Variants in FUT8 observed in about 807,000 individuals in gnomAD.
The protein encoded by FUT8 is fucosyltransferase 8.
A neutral mutation model predicts 71.3 loss-of-function variants in FUT8; 29 were observed. The observed-to-expected ratio is 0.41, with a 90% CI of 0.30 to 0.55. The LOEUF is 0.55. Among genes scored for constraint, FUT8 ranks in the 20% least tolerant of loss-of-function variants. The probability of loss-of-function intolerance (pLI) is 0.34; values close to 1 mark genes in which losing one functional copy is unlikely to be tolerated. For missense variants in FUT8, 544 were observed against 702.1 expected (o/e 0.77, Z 2.55); for synonymous variants, 254 against 239.3 (o/e 1.06, Z -0.57).
intron 1 of FUT8, among the ~76,000 whole-genome samples, chr14:65,452,938 T>C (rs899427043): frequency 2.6e-5 from 4 of 152,208 alleles, no homozygotes; most frequent in African/African-American, 9.6e-5. Context: ...ATAATAACTT[T>C]TAATGTCCTA....
At position 65,566,143 on chromosome 14, in the gene FUT8, G is replaced by A. The variant is rs117859856; in HGVS notation, c.203+4377G>A. ...CAAGATGACCTCACTTACATATTTG[G>A]CAATTAGGTCGACCATTAACTGGCT... On this transcript the variant is annotated intron_variant, in intron 3 of 10. Transcript: ENST00000673929. Among the ~76,000 whole-genome samples the A allele has an allele frequency of 8.7e-3, 1,326 of 151,918 alleles. 6 individuals are homozygous for A. The highest frequency in any genetic ancestry group is 0.013 in the Non-Finnish European group (909 of 67,880).
the FUT8 span, among the ~76,000 whole-genome samples, chr14:65,361,354 C>T: frequency 7.5e-6 from 1 of 133,630 alleles, no homozygotes; most frequent in African/African-American, 3.0e-5. Flanking sequence ...AAAACTCTGT[C>T]TCAAAAAAAA....
chr14:65,633,191 G>A (rs540505598), intron 6 of FUT8, among the ~76,000 whole-genome samples: 6 of 152,014 alleles, frequency 3.9e-5, no homozygotes, highest in Non-Finnish European at 5.9e-5. Context: ...ACTGGTTTTC[G>A]TATTTTTTTG....
chr14:65,579,993 T>C (rs1886990711), intron 3 of FUT8, among the ~76,000 whole-genome samples: 1 of 151,722 alleles, frequency 6.6e-6, no homozygotes, highest in Non-Finnish European at 1.5e-5. Context: ...TTTCAAGGTA[T>C]CTCAATAATA....
chr14:65,496,368 T>C (rs2066559257), intron 2 of FUT8, among the ~76,000 whole-genome samples: 1 of 152,210 alleles, frequency 6.6e-6, no homozygotes, highest in African/African-American at 2.4e-5. Flanking sequence ...CTTTTAGTCA[T>C]ATAGGAACAT....
chr14:65,719,392 T>C (rs1895288822), intron 7 of FUT8, among the ~76,000 whole-genome samples: 1 of 152,178 alleles, frequency 6.6e-6, no homozygotes, highest in Admixed American at 6.5e-5. Context: ...TTCCTCAAAA[T>C]AGCTCTTTTG....
intron 2 of FUT8, among the ~76,000 whole-genome samples, chr14:65,536,826 G>T (rs1884343990): frequency 2.0e-5 from 3 of 152,094 alleles, no homozygotes; most frequent in South Asian, 4.2e-4. Flanking sequence ...TCTCATGATG[G>T]TATCCTGAAA....
At chr14:65,431,494 G>A (rs1276840150) in intron 1 of FUT8, among the ~76,000 whole-genome samples, 1 of 151,162 alleles carries the variant, frequency 6.6e-6, no homozygotes, top group Non-Finnish European at 1.5e-5. Flanking sequence ...TATTTTTTTT[G>A]TAGAGGCTGG....
At chr14:65,493,212 A>G (rs1204165178) in intron 2 of FUT8, among the ~76,000 whole-genome samples, 7 of 152,080 alleles carry the variant, frequency 4.6e-5, no homozygotes, top group African/African-American at 1.7e-4. Flanking sequence ...AGAAACAACT[A>G]TTTCAGTCAT....
At chr14:65,693,369 T>C (rs1893808549) in intron 7 of FUT8, among the ~76,000 whole-genome samples, 1 of 152,122 alleles carries the variant, frequency 6.6e-6, no homozygotes, top group Non-Finnish European at 1.5e-5. Flanking sequence ...CAGTCAGGCG[T>C]GGCGGCGCGC....
In FUT8 at chr14:65,638,102, T is replaced by G. The variant is rs74058541; in HGVS notation, c.597+8496T>G. On this transcript the variant is annotated intron_variant, in intron 6 of 10. Coordinates refer to ENST00000673929, the MANE Select transcript of FUT8 (RefSeq NM_001371533.1). The surrounding 1 kb of genome is among the most constrained non-coding windows in gnomAD (Gnocchi z 4.5). Reference sequence around the variant, plus strand: ...TTCTGAGCAACACCCTGGCACAAGGTGAAGTTCGTAACCACATTTCTTCTG... The same window carrying G: ...TTCTGAGCAACACCCTGGCACAAGGGGAAGTTCGTAACCACATTTCTTCTG... 0.014 allele frequency among the ~76,000 whole-genome samples: 2,073 copies of G among 152,312 alleles called. 39 individuals are homozygous for G. Among genetic ancestry groups the G allele is most frequent in the East Asian group, 0.093 (479 of 5,176 alleles).
chr14:65,573,677 C>T (rs1054745874), intron 3 of FUT8, among the ~76,000 whole-genome samples: 1 of 149,792 alleles, frequency 6.7e-6, no homozygotes, highest in Non-Finnish European at 1.5e-5. Flanking sequence ...ACCCAATGAT[C>T]GTGCCTGTGA....
chr14:65,572,801 G>A (rs1886554928), intron 3 of FUT8, among the ~76,000 whole-genome samples: 1 of 152,040 alleles, frequency 6.6e-6, no homozygotes. Flanking sequence ...AATACCTGAG[G>A]CAAAATATGT....
the FUT8 span, among the ~76,000 whole-genome samples, chr14:65,386,726 T>C: frequency 6.6e-6 from 1 of 151,778 alleles, no homozygotes; most frequent in Non-Finnish European, 1.5e-5. Context: ...TCATTATGGA[T>C]TATATTTTTC....
intron 6 of FUT8, among the ~76,000 whole-genome samples, chr14:65,656,820 T>C (rs528259049): frequency 6.6e-6 from 1 of 152,210 alleles, no homozygotes; most frequent in South Asian, 2.1e-4. Context: ...CATAGACCAA[T>C]GGAACAGGTG....
intron 6 of FUT8, among the ~76,000 whole-genome samples, chr14:65,659,665 C>G (rs986219950): frequency 6.6e-6 from 1 of 152,014 alleles, no homozygotes; most frequent in Non-Finnish European, 1.5e-5. Flanking sequence ...TACTCCTTTT[C>G]CCTTTCCACC....
intron 7 of FUT8, among the ~76,000 whole-genome samples, chr14:65,703,813 G>C (rs2140491561): frequency 6.6e-6 from 1 of 152,310 alleles, no homozygotes. Context: ...TGTTTTAGTA[G>C]GCTAAGATGT....
intron 2 of FUT8, among the ~76,000 whole-genome samples, chr14:65,541,477 A>G (rs1214274209): frequency 6.6e-6 from 1 of 152,206 alleles, no homozygotes; most frequent in Admixed American, 6.5e-5. Flanking sequence ...GCTGCTGGAT[A>G]AGTCTTGGAG....
intron 6 of FUT8, among the ~76,000 whole-genome samples, chr14:65,641,199 A>G (rs1347616533): frequency 6.6e-6 from 1 of 152,162 alleles, no homozygotes; most frequent in Non-Finnish European, 1.5e-5. Flanking sequence ...CCACAGGTTT[A>G]ACTCAGATCT....
Sources: allele counts gnomAD v4.1 joint callset (sites outside exome capture counted in the v4.1 genomes callset), GRCh38; gene constraint gnomAD v4.1.1; non-coding constraint Gnocchi (gnomAD v3.1); transcripts MANE v1.5; gene names NCBI Gene and HGNC (gene_info 2026-07-23, HGNC 2026-07-21).